Variants in ANOS1 observed in about 807,000 individuals in gnomAD.
ANOS1 encodes the protein anosmin-1.
In ANOS1, 6 loss-of-function variants were observed where a neutral mutation model predicts 59.0. The observed-to-expected ratio is 0.10, with a 90% confidence interval of 0.06 to 0.20. The LOEUF (loss-of-function observed/expected upper bound fraction) is 0.20. ANOS1 is among the 10% of genes least tolerant of loss of function. ANOS1 has a pLI of 1.00. For synonymous variants in ANOS1, 217 were observed against 223.4 expected (o/e 0.97, Z 0.25); for missense variants, 433 against 542.3 (o/e 0.80, Z 2.00).
At chrX:8,573,994 T>C (rs1034499478) in intron 6 of ANOS1, among the ~76,000 whole-genome samples, 17 of 111,522 alleles carry the variant, frequency 1.5e-4, no homozygotes, top group South Asian at 1.5e-3. Context: ...GATGATTCTA[T>C]ACTGCCAGAC....
intron 2 of ANOS1, among the ~76,000 whole-genome samples, chrX:8,633,789 G>A (rs767865882): frequency 9.0e-6 from 1 of 111,477 alleles, no homozygotes; most frequent in Non-Finnish European, 1.9e-5. Flanking sequence ...CTAACCAAGA[G>A]GAAATACCAA....
At chrX:8,685,502 GAGAAAGAGAA>G (rs1419711745) in intron 2 of ANOS1, among the ~76,000 whole-genome samples, 7 of 101,246 alleles carry the variant, frequency 6.9e-5, no homozygotes, top group African/African-American at 1.5e-4. Flanking sequence ...GAGAAGAGAA[GAGAAAGAGAA>G]AGAAAGAGAA....
intron 3 of ANOS1, among the ~76,000 whole-genome samples, chrX:8,601,116 C>G (rs1264140573): frequency 9.4e-6 from 1 of 106,178 alleles, no homozygotes; most frequent in Non-Finnish European, 1.9e-5. Flanking sequence ...TGGCATGAAC[C>G]TGGGAGGCGG....
In ANOS1 at chrX:8,533,012, A is replaced by G. The variant is rs777718754; in HGVS notation, c.2026T>C (p.Ser676Pro). Residue 676 changes from serine (S) to proline (P), a missense_variant, in exon 14 of 14, where the codon TCT (serine) becomes CCT (proline). Coordinates refer to ENST00000262648, the MANE Select transcript of ANOS1 (RefSeq NM_000216.4). ...KHRHPHHYKPSPERY is the reference protein window; with the variant it reads ...KHRHPHHYKPPPERY ...TGAACAGTTTAGTATCTTTCTGGAG[A>G]AGGCTTGTAATGATGTGGATGACGA... The G allele has an allele frequency of 1.7e-6, 2 of 1,165,559 alleles. No homozygotes were observed. Among genetic ancestry groups the G allele is most frequent in the South Asian group, 1.8e-5 (1 of 55,859 alleles).
At chrX:8,725,647 T>TAC (rs1260385082) in intron 1 of ANOS1, among the ~76,000 whole-genome samples, 1 of 50,468 alleles carries the variant, frequency 2.0e-5, no homozygotes, top group African/African-American at 1.5e-4. Context: ...CAGATATATA[T>TAC]ACAGATATAT....
intron 2 of ANOS1, among the ~76,000 whole-genome samples, chrX:8,625,362 A>G (rs186044699): frequency 1.5e-3 from 167 of 112,001 alleles, no homozygotes; most frequent in Non-Finnish European, 2.4e-3. Flanking sequence ...TATTTTATCT[A>G]TATTATTTCT....
At chrX:8,711,006 G>C (rs1271436826) in intron 1 of ANOS1, among the ~76,000 whole-genome samples, 3 of 112,332 alleles carry the variant, frequency 2.7e-5, no homozygotes, top group African/African-American at 9.7e-5. Flanking sequence ...TGAGCATATA[G>C]TGGGGAACTT....
chrX:8,589,479 T>G (rs147563560), intron 4 of ANOS1, among the ~76,000 whole-genome samples: 1,282 of 112,132 alleles, frequency 0.011, 16 homozygotes, highest in Middle Eastern at 0.037. Flanking sequence ...CTGAATTATC[T>G]GCTGCTTTCT....
At chrX:8,562,379 T>C (rs1045158643) in intron 8 of ANOS1, among the ~76,000 whole-genome samples, 2 of 111,642 alleles carry the variant, frequency 1.8e-5, no homozygotes, top group African/African-American at 6.5e-5. Context: ...ACGCCATGGG[T>C]AAAAAACAGA....
chrX:8,689,331 A>G (rs1478428653), intron 2 of ANOS1, among the ~76,000 whole-genome samples: 2 of 110,451 alleles, frequency 1.8e-5, no homozygotes, highest in Non-Finnish European at 3.8e-5. Flanking sequence ...TAGAGCAACA[A>G]TGGATGAATT....
At chrX:8,679,844 A>T (rs1447172884) in intron 2 of ANOS1, among the ~76,000 whole-genome samples, 1 of 111,586 alleles carries the variant, frequency 9.0e-6, no homozygotes, top group Non-Finnish European at 1.9e-5. Flanking sequence ...TGCAGGGTCC[A>T]TAAACCACAC....
rs1601993839 is a variant in ANOS1 at position 8,633,102 on chromosome X, C to T, written c.256-9432G>A. On this transcript the variant is annotated intron_variant, in intron 2 of 13. Transcript: ENST00000262648. ...ATAATGAAATCTTTTGGCAGACAGC[C>T]CTCTGAAGTGCAGTTGAACAATCAT... 4.5e-5 allele frequency among the ~76,000 whole-genome samples: 5 copies of T among 111,548 alleles called. No homozygotes were observed. The South Asian group carries it at 1.9e-3, about 42-fold the overall frequency.
intron 2 of ANOS1, among the ~76,000 whole-genome samples, chrX:8,630,003 C>T (rs1268482064): frequency 3.6e-5 from 4 of 112,314 alleles, no homozygotes; most frequent in Non-Finnish European, 7.5e-5. Flanking sequence ...GTGCAAAGTA[C>T]TTATCTAGTC....
intron 3 of ANOS1, among the ~76,000 whole-genome samples, chrX:8,610,006 CAAAAAAAAAAAAAAAAAAA>C (rs1167209336): frequency 5.5e-4 from 5 of 9,160 alleles, no homozygotes; most frequent in Non-Finnish European, 1.4e-3. Context: ...GACTCCATCT[CAAAAAAAAAAAAAAAAAAA>C]AAAAAAAAAA....
chrX:8,614,221 T>G (rs950482964), intron 3 of ANOS1, among the ~76,000 whole-genome samples: 1 of 111,842 alleles, frequency 8.9e-6, no homozygotes, highest in Non-Finnish European at 1.9e-5. Flanking sequence ...CAGCATTCAT[T>G]TCCCCTGACA....
At chrX:8,619,380 C>T (rs888139062) in intron 3 of ANOS1, among the ~76,000 whole-genome samples, 186 of 111,443 alleles carry the variant, frequency 1.7e-3, no homozygotes, top group Non-Finnish European at 1.8e-3. Context: ...CCAAGGCGGG[C>T]GGATCACAAG....
At chrX:8,568,201 T>C (rs200126727) in intron 8 of ANOS1, 31 bp downstream of exon 8, 1 of 1,200,770 alleles carries the variant, frequency 8.3e-7, no homozygotes, top group African/African-American at 1.8e-5. Flanking sequence ...CATGTCACAA[T>C]CATCTTGAAA....
chrX:8,644,059 G>A (rs1197925072), intron 2 of ANOS1, among the ~76,000 whole-genome samples: 2 of 111,432 alleles, frequency 1.8e-5, no homozygotes, highest in Non-Finnish European at 3.8e-5. Flanking sequence ...AGGACCTTCT[G>A]AGGGCTGCGT....
Position 8,536,856 on chromosome X carries a change from C to G in ANOS1, c.1536G>C (p.Lys512Asn). 6 of 1,207,150 alleles carry G rather than the reference C, an allele frequency of 5.0e-6. No homozygotes were observed. Among genetic ancestry groups the G allele is most frequent in the Non-Finnish European group, 6.7e-6 (6 of 891,638 alleles). Residue 512 changes from lysine (K) to asparagine (N), a missense_variant, in exon 11 of 14, where the codon AAG (lysine) becomes AAC (asparagine). Physicochemically the swap from Lys to Asn is moderately conservative, Grantham distance 94. Transcript: ENST00000262648. The part of the protein sequence containing the change: ...VQPIRPKSHS[K>N]AEAVFFTTPP... ...GAGTAGTGAAGAAAACAGCTTCTGCCTTGGAGTGACTTTTTGGCCGTATTG... is the reference window on the plus strand; with the variant it reads ...GAGTAGTGAAGAAAACAGCTTCTGCGTTGGAGTGACTTTTTGGCCGTATTG...
Sources: gnomAD v4.1 joint callset for allele counts (sites outside exome capture counted in the v4.1 genomes callset) on GRCh38, gnomAD v4.1.1 for gene constraint, MANE v1.5 for transcripts, NCBI Gene and HGNC (gene_info 2026-07-23, HGNC 2026-07-21) for gene names.